The following RPN2 variants were observed in gnomAD, a reference collection of about 807,000 sequenced individuals.
RPN2 encodes the protein dolichyl-diphosphooligosaccharide--protein glycosyltransferase subunit 2.
A neutral mutation model predicts 71.4 loss-of-function variants in RPN2; 29 were observed. The ratio of observed to expected loss-of-function variants is 0.41; its 90% CI spans 0.30 to 0.55. The LOEUF is 0.55. Ranked by LOEUF, RPN2 falls within the 20% of genes least tolerant of loss-of-function variation. RPN2 has a pLI of 0.35. For synonymous variants in RPN2, 308 were observed against 305.0 expected, an observed-to-expected ratio of 1.01 and a Z score of -0.10; for missense variants, 726 against 774.1, an observed-to-expected ratio of 0.94 and a Z score of 0.74.
intron 8 of RPN2, among the ~76,000 whole-genome samples, chr20:37,211,677 A>C (rs1381012838): frequency 6.7e-6 from 1 of 150,082 alleles, no homozygotes; most frequent in Non-Finnish European, 1.5e-5. Context: ...GGTATGCTTT[A>C]TATGTAACAA....
intron 8 of RPN2, 66 bp downstream of exon 8, chr20:37,210,231 G>C: frequency 6.2e-7 from 1 of 1,605,344 alleles, no homozygotes; most frequent in Non-Finnish European, 8.5e-7. Context: ...CCTGCAGCCA[G>C]TGTAACAGAT....
intron 2 of RPN2, among the ~76,000 whole-genome samples, chr20:37,192,113 A>G (rs761513051): frequency 6.6e-6 from 1 of 152,050 alleles, no homozygotes; most frequent in Non-Finnish European, 1.5e-5. Context: ...AAGAAACCAA[A>G]TTACTTTAAA....
chr20:37,217,132 A>G (rs910922053), intron 9 of RPN2, among the ~76,000 whole-genome samples: 2 of 148,766 alleles, frequency 1.3e-5, no homozygotes, highest in East Asian at 2.0e-4. Flanking sequence ...GGGTTTTGCC[A>G]TGTTGCCCAG....
At chr20:37,232,485 T>TA (rs993448573) in intron 14 of RPN2, 94 bp downstream of exon 14, 97 of 1,467,136 alleles carry the variant, frequency 6.6e-5, no homozygotes, top group Admixed American at 5.0e-5. Context: ...CTGGCCTCAG[T>TA]AAAGCTCCAG....
chr20:37,231,734 G>A lies in RPN2; in HGVS notation c.1582-562G>A, dbSNP rs188863240. Among the ~76,000 whole-genome samples, 274 of 109,310 alleles carry A rather than the reference G, an allele frequency of 2.5e-3. 1 individual carries two copies. The highest frequency in any genetic ancestry group is 8.8e-3 in the African/African-American group (262 of 29,686). 71.7% of individuals were successfully genotyped at this position (109,310 alleles called of 152,430 possible). Reference sequence around the variant, plus strand: ...CTCTTTAAAAAAAAGAAAAAGAAATGAGAGCGGGAAGTTCGTTTAGGGCTT... The same window carrying A: ...CTCTTTAAAAAAAAGAAAAAGAAATAAGAGCGGGAAGTTCGTTTAGGGCTT... On this transcript the variant is annotated intron_variant, in intron 13 of 16. Transcript: ENST00000237530.
chr20:37,204,659 T>C, intron 5 of RPN2, 108 bp from the exon 6 acceptor site: 2 of 1,198,482 alleles, frequency 1.7e-6, no homozygotes, highest in South Asian at 2.4e-5. Context: ...TCTTCAGATT[T>C]AGAGTGAGAG....
intron 2 of RPN2, among the ~76,000 whole-genome samples, chr20:37,195,290 A>G (rs930671042): frequency 6.6e-6 from 1 of 152,212 alleles, no homozygotes; most frequent in Non-Finnish European, 1.5e-5. Flanking sequence ...CTCCGCCGTC[A>G]ACATCTTGGG....
chr20:37,192,825 C>T (rs1174207588), intron 2 of RPN2, among the ~76,000 whole-genome samples: 3 of 152,048 alleles, frequency 2.0e-5, no homozygotes, highest in Admixed American at 6.6e-5. Flanking sequence ...AGGAAATCTC[C>T]GAATTTAAAT....
intron 2 of RPN2, among the ~76,000 whole-genome samples, chr20:37,185,161 T>G (rs1442449334): frequency 7.2e-6 from 1 of 138,004 alleles, no homozygotes; most frequent in Admixed American, 7.1e-5. Flanking sequence ...TTTTTTTTTT[T>G]GAGACAGAGT....
chr20:37,215,426 A>G (rs188164046), intron 9 of RPN2, among the ~76,000 whole-genome samples: 16 of 152,382 alleles, frequency 1.0e-4, no homozygotes, highest in Admixed American at 8.5e-4. Flanking sequence ...AAGCTATTGT[A>G]GCGTATGCCT....
chr20:37,196,227 C>T (rs1209521937), intron 2 of RPN2, among the ~76,000 whole-genome samples: 1 of 151,472 alleles, frequency 6.6e-6, no homozygotes, highest in East Asian at 1.9e-4. Context: ...GCCTAGTCTC[C>T]CCCCCACCTT....
chr20:37,198,357 A>C (rs1314830783), intron 2 of RPN2, 40 bp from the exon 3 acceptor site: 1 of 1,614,166 alleles, frequency 6.2e-7, no homozygotes. Context: ...GGTTCACTAC[A>C]TGTGTCACCA....
In RPN2 at chr20:37,230,808, ATTAT is replaced by A. The variant is rs572609208; in HGVS notation, c.1581+753_1581+756del. ...AAACTCCTTTTCATATTGATACAGCATTATTTAAGAATGTAAAATGCAGCTAACT... is the reference window on the plus strand; with the variant it reads ...AAACTCCTTTTCATATTGATACAGCATTAAGAATGTAAAATGCAGCTAACT... On this transcript the variant is annotated intron_variant, in intron 13 of 16. Transcript: ENST00000237530. Among the ~76,000 whole-genome samples, 601 of 152,280 alleles carry A rather than the reference ATTAT, an allele frequency of 3.9e-3. 1 individual carries two copies. The highest frequency in any genetic ancestry group is 6.9e-3 in the Non-Finnish European group (469 of 68,018).
At chr20:37,192,283 A>G (rs2067158527) in intron 2 of RPN2, among the ~76,000 whole-genome samples, 1 of 152,222 alleles carries the variant, frequency 6.6e-6, no homozygotes, top group East Asian at 1.9e-4. Context: ...GAATGAGGCA[A>G]TCCTTCACGC....
chr20:37,238,792 A>C, intron 16 of RPN2: 1 of 568,032 alleles, frequency 1.8e-6, no homozygotes, highest in South Asian at 1.4e-5. Flanking sequence ...TGAGATGAGG[A>C]TAAGACAAAT....
At chr20:37,209,984 A>G in intron 7 of RPN2, 63 bp from the exon 8 acceptor site, 1 of 1,602,062 alleles carries the variant, frequency 6.2e-7, no homozygotes, top group Non-Finnish European at 8.5e-7. Flanking sequence ...AAAGCACCCC[A>G]GAAACAAAAT....
chr20:37,235,646 A>ATTTTTAT (rs1179118977), intron 15 of RPN2, among the ~76,000 whole-genome samples: 1 of 151,964 alleles, frequency 6.6e-6, no homozygotes, highest in Non-Finnish European at 1.5e-5. Flanking sequence ...TTTATTTTTT[A>ATTTTTAT]TTTTTATTTT....
chr20:37,228,772 G>T, intron 12 of RPN2, 28 bp downstream of exon 12: 1 of 1,609,886 alleles, frequency 6.2e-7, no homozygotes. Context: ...CCCCGACCCA[G>T]GTGAGAGTGG....
Position 37,179,345 on chromosome 20 carries a change from C to G in RPN2, c.-12C>G. ...CCCGCGGCTCGGACTCCGGCGGGAC[C>G]TGCTCGGAGGAATGGCGCCGCCGGG... is the stretch of plus-strand genomic sequence containing the variant. On this transcript the variant is annotated 5_prime_UTR_variant, in exon 1 of 17. Coordinates refer to ENST00000237530, the MANE Select transcript of RPN2 (RefSeq NM_002951.5). The G allele has an allele frequency of 8.2e-7, 1 of 1,222,492 alleles. No homozygotes were observed. The highest frequency in any genetic ancestry group is 1.0e-6 in the Non-Finnish European group (1 of 968,842). 75.7% of individuals were successfully genotyped at this position (1,222,492 alleles called of 1,614,324 possible).
Sources: allele counts gnomAD v4.1 joint callset (sites outside exome capture counted in the v4.1 genomes callset), GRCh38; gene constraint gnomAD v4.1.1; transcripts MANE v1.5; gene names NCBI Gene and HGNC (gene_info 2026-07-23, HGNC 2026-07-21).